Variants in PPL observed in about 807,000 individuals in gnomAD.
The protein encoded by PPL is 190 kDa paraneoplastic pemphigus antigen.
Under a neutral mutation model 194.4 loss-of-function variants are expected in PPL, and 198 were observed. The observed-to-expected ratio is 1.02, with a 90% CI of 0.91 to 1.15. The LOEUF is 1.15. PPL is among the 50% of genes most tolerant of loss of function. PPL has a pLI of 0.00. For missense variants in PPL, 2,885 were observed against 2,294.8 expected, an observed-to-expected ratio of 1.26 and a Z score of -5.25; for synonymous variants, 1,220 against 972.4, an observed-to-expected ratio of 1.25 and a Z score of -4.74.
Position 4,899,280 on chromosome 16 carries a change from C to T in PPL, c.711G>A (p.Met237Ile), listed in dbSNP as rs895733188. 2.4e-5 allele frequency: 38 copies of T among 1,613,770 alleles called. No individual in the cohort carries two copies. Among genetic ancestry groups the T allele is most frequent in the Non-Finnish European group, 2.9e-5 (34 of 1,180,002 alleles). ...GGTTGCGGTCACTCCAGTCGTACTG[C>T]ATGCGGCCCTTGGCCTGCTGGTCCA... Reference protein sequence around the residue: ...YWLDQQAKGRMQYDWSDRNLD... With the variant: ...YWLDQQAKGRIQYDWSDRNLD... The change falls in exon 7 of 22, where the codon ATG (methionine) becomes ATA (isoleucine). Residue 237 changes from methionine to isoleucine, a missense_variant. Transcript: ENST00000345988.
chr16:4,903,843 G>T (rs760471114), intron 3 of PPL, 43 bp downstream of exon 3: 30 of 1,607,232 alleles, frequency 1.9e-5, no homozygotes, highest in Non-Finnish European at 2.5e-5. Context: ...CTGGCCCATA[G>T]CCCCCAATGG....
intron 1 of PPL, among the ~76,000 whole-genome samples, chr16:4,923,732 C>G (rs541924832): frequency 5.0e-4 from 76 of 152,264 alleles, no homozygotes; most frequent in African/African-American, 1.8e-3. Flanking sequence ...ATCTCTGAGA[C>G]AGGGATAGGA....
At chr16:4,907,080 A>G (rs1220198406) in intron 2 of PPL, among the ~76,000 whole-genome samples, 1 of 6,576 alleles carries the variant, frequency 1.5e-4, no homozygotes, top group Non-Finnish European at 5.0e-4. Flanking sequence ...CCCTATCTCT[A>G]AAAAAAAAAA....
At chr16:4,924,431 G>A (rs77498314) in intron 1 of PPL, among the ~76,000 whole-genome samples, 148 of 152,304 alleles carry the variant, frequency 9.7e-4, no homozygotes, top group African/African-American at 3.3e-3. Flanking sequence ...TTTGCTCTAA[G>A]CCCGCAGTGA....
chr16:4,883,331 C>T lies in PPL; in HGVS notation c.*53G>A, dbSNP rs989016974. On this transcript the variant is annotated 3_prime_UTR_variant, in exon 22 of 22. Coordinates refer to ENST00000345988, the MANE Select transcript of PPL (RefSeq NM_002705.5). The surrounding 1 kb of genome is among the most constrained non-coding windows in gnomAD (Gnocchi z 4.8). ...GAGGACGACACCAAGGAGGTCACTGCGTCGTAGGAGAGGGCCAGCGTCTGC... is the reference window on the plus strand; with the variant it reads ...GAGGACGACACCAAGGAGGTCACTGTGTCGTAGGAGAGGGCCAGCGTCTGC... 28 of 1,605,374 alleles carry T rather than the reference C, an allele frequency of 1.7e-5. No individual in the cohort carries two copies. The highest frequency in any genetic ancestry group is 1.1e-4 in the African/African-American group (8 of 74,658).
chr16:4,918,354 G>A (rs184042285), intron 1 of PPL, among the ~76,000 whole-genome samples: 4 of 151,554 alleles, frequency 2.6e-5, no homozygotes, highest in Non-Finnish European at 5.9e-5. Flanking sequence ...TCTCTCCTGA[G>A]TCAGGTCCTG....
Position 4,884,585 on chromosome 16 carries a change from C to G in PPL, c.4070G>C (p.Arg1357Thr). The G allele has an allele frequency of 6.2e-7, 1 of 1,614,136 alleles. No homozygotes were observed. Among genetic ancestry groups the G allele is most frequent in the South Asian group, 1.1e-5 (1 of 91,088 alleles). ...CCGCAGGCCTGGCTCCTCCTCATACCTGACCACCTCCTGCTGCACCACCCT... is the reference window on the plus strand; with the variant it reads ...CCGCAGGCCTGGCTCCTCCTCATACGTGACCACCTCCTGCTGCACCACCCT... ...KERVVQQEVV[R>T]YEEEPGLRAE... Residue 1357 changes from arginine (R) to threonine (T), a missense_variant, in exon 22 of 22, where the codon AGG (arginine) becomes ACG (threonine). By Grantham distance (71) the Arg-to-Thr change is moderately conservative. Coordinates refer to ENST00000345988, the MANE Select transcript of PPL (RefSeq NM_002705.5). The surrounding 1 kb of genome is among the most constrained non-coding windows in gnomAD (Gnocchi z 5.7).
At chr16:4,922,807 G>A (rs530101409) in intron 1 of PPL, among the ~76,000 whole-genome samples, 9 of 152,300 alleles carry the variant, frequency 5.9e-5, no homozygotes, top group Admixed American at 1.3e-4. Context: ...AAGCCCAGAC[G>A]TGCTTTGCTT....
chr16:4,928,415 T>A (rs772032157), intron 1 of PPL, among the ~76,000 whole-genome samples: 1 of 152,174 alleles, frequency 6.6e-6, no homozygotes, highest in Non-Finnish European at 1.5e-5. Flanking sequence ...TGGCAGGGTG[T>A]CCTGGCCGCC....
At chr16:4,888,565 T>C (rs1195878183) in intron 19 of PPL, among the ~76,000 whole-genome samples, 3 of 152,240 alleles carry the variant, frequency 2.0e-5, no homozygotes, top group South Asian at 4.1e-4. Context: ...CCTCTTCTCA[T>C]GTTTACCAGC....
At chr16:4,893,492 C>T (rs755291124) in intron 13 of PPL, 49 bp downstream of exon 13, 11 of 1,603,514 alleles carry the variant, frequency 6.9e-6, no homozygotes, top group Admixed American at 6.7e-5. Context: ...GGTCCAGCCC[C>T]TCCTCCCCGG....
rs371322128 is a variant in PPL, at chr16:4,922,660, T to TCAAAA, written c.63-11716_63-11712dup. ...CTGGGTGACAGAGCAAGACTCCATC[T>TCAAAA]CAAAACAAAACAAAACAAAAAAACC... On this transcript the variant is annotated intron_variant, in intron 1 of 21. Transcript: ENST00000345988. Among the ~76,000 whole-genome samples the TCAAAA allele has an allele frequency of 4.2e-3, 630 of 151,774 alleles. 5 individuals are homozygous for TCAAAA. Among genetic ancestry groups the TCAAAA allele is most frequent in the African/African-American group, 0.015 (604 of 41,362 alleles).
At chr16:4,886,494 T>G (rs1474912824) in intron 21 of PPL, among the ~76,000 whole-genome samples, 1 of 152,244 alleles carries the variant, frequency 6.6e-6, no homozygotes, top group African/African-American at 2.4e-5. Flanking sequence ...TTGTTTCCGC[T>G]CTCTGGACAG....
At position 4,885,371 on chromosome 16, in the gene PPL, T is replaced by C; in HGVS notation, c.3284A>G (p.Gln1095Arg). Reference sequence around the variant, plus strand: ...CTTCTCTAGCCTCTTGAGCTTGTCCTGGAGGAAGCTCAGCTCCTCCTCCTG... The same window carrying C: ...CTTCTCTAGCCTCTTGAGCTTGTCCCGGAGGAAGCTCAGCTCCTCCTCCTG... ...EKQEEELSFLQDKLKRLEKER... is the reference protein window; with the variant it reads ...EKQEEELSFLRDKLKRLEKER... Residue 1095 changes from glutamine to arginine, a missense_variant, in exon 22 of 22, where the codon CAG (glutamine) becomes CGG (arginine). Coordinates refer to ENST00000345988, the MANE Select transcript of PPL (RefSeq NM_002705.5). This position sits in a 1 kb window ranked among gnomAD's most constrained non-coding sequence, Gnocchi z 6.3. 1.2e-6 allele frequency: 2 copies of C among 1,613,018 alleles called. No individual in the cohort carries two copies. Among genetic ancestry groups the C allele is most frequent in the Non-Finnish European group, 1.7e-6 (2 of 1,179,992 alleles).
intron 6 of PPL, among the ~76,000 whole-genome samples, chr16:4,900,434 C>CTTTTTTCTTTTT (rs2088538155): frequency 9.7e-5 from 6 of 61,678 alleles, no homozygotes; most frequent in African/African-American, 3.3e-4. Context: ...TACTGCACGC[C>CTTTTTTCTTTTT]TTTTTTTTTT....
At position 4,925,583 on chromosome 16, in the gene PPL, C is replaced by T. The variant is rs2089141224; in HGVS notation, c.62+11401G>A. Among the ~76,000 whole-genome samples, 4 of 152,134 alleles carry T rather than the reference C, an allele frequency of 2.6e-5. No homozygotes were observed. The South Asian group carries it at 8.3e-4, about 31-fold the overall frequency. On this transcript the variant is annotated intron_variant, in intron 1 of 21. Transcript: ENST00000345988. ...GGGGGCCCTTCTATAACCTTAATTC[C>T]ACACCTTGCGTAGGGCTGGGCTCAA...
At chr16:4,903,120 C>A (rs1456173778) in intron 3 of PPL, among the ~76,000 whole-genome samples, 5 of 152,170 alleles carry the variant, frequency 3.3e-5, no homozygotes, top group Non-Finnish European at 7.3e-5. Context: ...GCAGGGCCCA[C>A]AGTGTGGTGC....
chr16:4,930,137 G>A (rs189541329), intron 1 of PPL, among the ~76,000 whole-genome samples: 35 of 152,272 alleles, frequency 2.3e-4, no homozygotes, highest in Admixed American at 8.5e-4. Context: ...TTTTCGGGTC[G>A]TGGATACACA....
chr16:4,910,384 G>A lies in PPL; in HGVS notation c.162+466C>T, dbSNP rs535361906. On this transcript the variant is annotated intron_variant, in intron 2 of 21. Coordinates refer to ENST00000345988, the MANE Select transcript of PPL (RefSeq NM_002705.5). ...CCGCCAAATGGGAACCATCACTCCT[G>A]CCTGCTTAGAGAGAATCTCGTTCAT... is the stretch of plus-strand genomic sequence containing the variant. Among the ~76,000 whole-genome samples, 5 of 152,250 alleles carry A rather than the reference G, an allele frequency of 3.3e-5. No homozygotes were observed. In the East Asian group the frequency reaches 9.7e-4, roughly 29 times the overall value.
Sources: gnomAD v4.1 joint callset for allele counts (sites outside exome capture counted in the v4.1 genomes callset) on GRCh38, gnomAD v4.1.1 for gene constraint, Gnocchi (gnomAD v3.1) non-coding constraint, MANE v1.5 for transcripts, NCBI Gene and HGNC (gene_info 2026-07-23, HGNC 2026-07-21) for gene names.